Variants in DIAPH3 observed in about 807,000 individuals in gnomAD.
The protein encoded by DIAPH3 is diaphanous related formin 3.
In DIAPH3, 117 loss-of-function variants were observed where a neutral mutation model predicts 144.3. That is an observed-to-expected ratio of 0.81 (90% confidence interval 0.70 to 0.95). The LOEUF is 0.95. Among genes scored for constraint, DIAPH3 ranks in the 40% least tolerant of loss-of-function variants. The probability of loss-of-function intolerance (pLI) is 0.00; values close to 1 mark genes in which losing one functional copy is unlikely to be tolerated. For missense variants in DIAPH3, 1,421 were observed against 1,412.7 expected (o/e 1.01, Z -0.09); for synonymous variants, 519 against 488.9 (o/e 1.06, Z -0.81).
intron 17 of DIAPH3, among the ~76,000 whole-genome samples, chr13:59,966,914 G>A (rs557357262): frequency 4.6e-5 from 7 of 152,200 alleles, no homozygotes; most frequent in South Asian, 2.1e-4. Flanking sequence ...TCCCTACCTA[G>A]TTGTGATGAA....
intron 4 of DIAPH3, among the ~76,000 whole-genome samples, chr13:60,046,508 C>A (rs898599720): frequency 8.5e-5 from 13 of 152,188 alleles, no homozygotes; most frequent in African/African-American, 2.7e-4. Context: ...AATAGGAACA[C>A]TTTTACACTG....
intron 27 of DIAPH3, among the ~76,000 whole-genome samples, chr13:59,771,291 A>G (rs923275498): frequency 6.6e-6 from 1 of 152,290 alleles, no homozygotes; most frequent in African/African-American, 2.4e-5. Context: ...AATAAACTCA[A>G]ATTTAGGCTT....
intron 1 of DIAPH3, chr13:60,147,388 G>C (rs904051633): frequency 6.6e-6 from 1 of 152,228 alleles, no homozygotes; most frequent in Non-Finnish European, 1.5e-5. Context: ...TTTGGAACTA[G>C]AGACTCAAAT....
chr13:59,684,052 A>C (rs1371826120), intron 27 of DIAPH3, among the ~76,000 whole-genome samples: 1 of 143,660 alleles, frequency 7.0e-6, no homozygotes, highest in African/African-American at 2.5e-5. Flanking sequence ...CAGGGGGAGG[A>C]AAAAAAAAAA....
At chr13:59,921,263 C>A in intron 18 of DIAPH3, among the ~76,000 whole-genome samples, 2 of 142,650 alleles carry the variant, frequency 1.4e-5, no homozygotes, top group African/African-American at 2.6e-5. Flanking sequence ...GAAATGGAGA[C>A]CAGAAAATAC....
intron 5 of DIAPH3, among the ~76,000 whole-genome samples, chr13:60,018,751 C>A (rs546439905): frequency 6.6e-6 from 1 of 152,048 alleles, no homozygotes; most frequent in African/African-American, 2.4e-5. Context: ...GGGCAATGGC[C>A]TTCTGAAAAC....
chr13:59,708,748 C>T (rs1464240168), intron 27 of DIAPH3, among the ~76,000 whole-genome samples: 1 of 152,106 alleles, frequency 6.6e-6, no homozygotes, highest in South Asian at 2.1e-4. Flanking sequence ...TACTGGCAAT[C>T]CCCCAATTTA....
At chr13:59,760,580 T>C (rs2037526573) in intron 27 of DIAPH3, among the ~76,000 whole-genome samples, 1 of 152,230 alleles carries the variant, frequency 6.6e-6, no homozygotes, top group Non-Finnish European at 1.5e-5. Flanking sequence ...AATATGTTGG[T>C]AAATGTGGAC....
At chr13:60,030,469 T>C (rs1464192608) in intron 5 of DIAPH3, among the ~76,000 whole-genome samples, 1 of 152,170 alleles carries the variant, frequency 6.6e-6, no homozygotes, top group Admixed American at 6.6e-5. Context: ...TGCTCTCCTG[T>C]CTTGCAAATG....
At chr13:60,059,791 C>T (rs1033051066) in intron 4 of DIAPH3, among the ~76,000 whole-genome samples, 1 of 151,948 alleles carries the variant, frequency 6.6e-6, no homozygotes, top group Non-Finnish European at 1.5e-5. Flanking sequence ...CACATCTGAA[C>T]GGATAGAAAA....
chr13:59,954,601 A>G (rs1052567600), intron 17 of DIAPH3, among the ~76,000 whole-genome samples: 2 of 152,162 alleles, frequency 1.3e-5, no homozygotes, highest in Admixed American at 6.6e-5. Flanking sequence ...GGTGTGTATT[A>G]GTCCATTCTC....
chr13:59,717,463 A>T (rs1165617381), intron 27 of DIAPH3, among the ~76,000 whole-genome samples: 1 of 151,802 alleles, frequency 6.6e-6, no homozygotes, highest in Non-Finnish European at 1.5e-5. Flanking sequence ...TCTTGCATTA[A>T]TTTGCCACCC....
intron 5 of DIAPH3, among the ~76,000 whole-genome samples, chr13:60,026,699 C>T (rs937997810): frequency 1.3e-5 from 2 of 152,142 alleles, no homozygotes; most frequent in African/African-American, 4.8e-5. Flanking sequence ...CGGTATTAGA[C>T]AGGAAGACTT....
At chr13:59,674,724 T>C (rs2032548808) in intron 27 of DIAPH3, among the ~76,000 whole-genome samples, 1 of 152,130 alleles carries the variant, frequency 6.6e-6, no homozygotes, top group Non-Finnish European at 1.5e-5. Context: ...TACTACTACT[T>C]CAAATAACAC....
At chr13:59,797,763 G>A (rs1177971169) in intron 25 of DIAPH3, among the ~76,000 whole-genome samples, 3 of 152,014 alleles carry the variant, frequency 2.0e-5, no homozygotes, top group Non-Finnish European at 4.4e-5. Context: ...TGAACCCCAT[G>A]CCTCAGATTC....
chr13:59,790,229 T>G (rs549261769), intron 25 of DIAPH3, among the ~76,000 whole-genome samples: 2 of 152,228 alleles, frequency 1.3e-5, no homozygotes, highest in African/African-American at 4.8e-5. Flanking sequence ...GGTGAAGAGC[T>G]ATAGCTATGG....
chr13:59,854,145 C>A (rs2043132551), intron 22 of DIAPH3, among the ~76,000 whole-genome samples: 1 of 151,936 alleles, frequency 6.6e-6, no homozygotes. Flanking sequence ...AAGATGCAGG[C>A]AGAGAGTGGA....
chr13:60,104,967 G>A (rs1358287029), intron 3 of DIAPH3, among the ~76,000 whole-genome samples: 1 of 151,744 alleles, frequency 6.6e-6, no homozygotes, highest in Non-Finnish European at 1.5e-5. Context: ...GTGGTGGCGG[G>A]CACCTGTAGT....
At chr13:59,969,908 A>G in intron 17 of DIAPH3, 36 bp downstream of exon 17, 1 of 1,326,174 alleles carries the variant, frequency 7.5e-7, no homozygotes, top group Non-Finnish European at 1.1e-6. Flanking sequence ...AAAATTCTAA[A>G]ATCAAATTAA....
Sources: gnomAD v4.1 joint callset for allele counts (sites outside exome capture counted in the v4.1 genomes callset) on GRCh38, gnomAD v4.1.1 for gene constraint, MANE v1.5 for transcripts, NCBI Gene and HGNC (gene_info 2026-07-23, HGNC 2026-07-21) for gene names.